ARFGEF1: variants seen among roughly 807,000 people sequenced by gnomAD.
The protein encoded by ARFGEF1 is brefeldin A-inhibited guanine nucleotide-exchange protein 1.
Under a neutral mutation model 231.0 loss-of-function variants are expected in ARFGEF1, and 42 were observed. The ratio of observed to expected loss-of-function variants is 0.18; its 90% confidence interval spans 0.14 to 0.24. The LOEUF (loss-of-function observed/expected upper bound fraction) is 0.24, where lower values mean the gene tolerates loss of function less well. Ranked by LOEUF, ARFGEF1 falls within the 10% of genes least tolerant of loss-of-function variation. The pLI is 1.00. For synonymous variants in ARFGEF1, 710 were observed against 732.3 expected (o/e 0.97, Z 0.49); for missense variants, 1,345 against 2,192.0 (o/e 0.61, Z 7.72).
chr8:67,239,314 C>T (rs1294135291), intron 20 of ARFGEF1, among the ~76,000 whole-genome samples: 1 of 152,046 alleles, frequency 6.6e-6, no homozygotes, highest in Non-Finnish European at 1.5e-5. Flanking sequence ...CCCTCCTTTC[C>T]CTTTCTTTTG....
At chr8:67,246,360 G>A (rs567821152) in intron 19 of ARFGEF1, among the ~76,000 whole-genome samples, 1 of 150,502 alleles carries the variant, frequency 6.6e-6, no homozygotes, top group South Asian at 2.1e-4. Flanking sequence ...CCATATGTTA[G>A]GACTCAAAAC....
chr8:67,227,255 A>G lies in ARFGEF1; in HGVS notation c.3798T>C (p.Ser1266=). The change falls in exon 27 of 39, where the codon TCT becomes TCC. Residue 1266 remains serine (S), a synonymous_variant. Coordinates refer to ENST00000262215, the MANE Select transcript of ARFGEF1 (RefSeq NM_006421.5). The stretch of plus-strand genomic sequence containing the variant: ...ATCCAGATCGAATGTTAGCAGCTTG[A>G]GAATTAACCATCTGTGCTATACACC... The part of the protein sequence containing the change: ...VVRCIAQMVN[S]QAANIRSGWK... The G allele has an allele frequency of 6.2e-7, 1 of 1,613,164 alleles. No homozygotes were observed. Among genetic ancestry groups the G allele is most frequent in the South Asian group, 1.1e-5 (1 of 91,042 alleles).
chr8:67,232,720 C>G, intron 23 of ARFGEF1, 135 bp downstream of exon 23: 1 of 638,862 alleles, frequency 1.6e-6, no homozygotes. Context: ...ATCTAAATCA[C>G]AGCATATCAC....
chr8:67,241,705 T>G (rs1285527303), intron 19 of ARFGEF1, among the ~76,000 whole-genome samples: 1 of 151,602 alleles, frequency 6.6e-6, no homozygotes, highest in Non-Finnish European at 1.5e-5. Flanking sequence ...AACACCAAAT[T>G]TAACAACTAT....
At chr8:67,302,513 A>G in intron 1 of ARFGEF1, 47 bp from the exon 2 acceptor site, 1 of 1,386,554 alleles carries the variant, frequency 7.2e-7, no homozygotes, top group Non-Finnish European at 9.8e-7. Flanking sequence ...TGGACAGCAG[A>G]AAGACTGAGT....
intron 7 of ARFGEF1, among the ~76,000 whole-genome samples, chr8:67,278,382 T>TA (rs1805397706): frequency 6.6e-6 from 1 of 152,088 alleles, no homozygotes; most frequent in Admixed American, 6.6e-5. Context: ...ATACAAGACA[T>TA]AAAGAATAAA....
intron 10 of ARFGEF1, 45 bp from the exon 11 acceptor site, chr8:67,267,487 C>A: frequency 1.6e-6 from 2 of 1,265,414 alleles, no homozygotes; most frequent in South Asian, 1.3e-5. Context: ...GTTTAGAATT[C>A]ATATGTGTGA....
intron 19 of ARFGEF1, among the ~76,000 whole-genome samples, chr8:67,244,403 G>T: frequency 7.3e-6 from 1 of 136,140 alleles, no homozygotes; most frequent in Non-Finnish European, 1.6e-5. Context: ...CCACCTCCCA[G>T]GCTCAAGCAA....
chr8:67,202,928 C>T (rs1262494198), intron 36 of ARFGEF1, among the ~76,000 whole-genome samples, 155 bp downstream of exon 36: 11 of 152,132 alleles, frequency 7.2e-5, no homozygotes, highest in African/African-American at 2.7e-4. Context: ...CAGAAAAGGG[C>T]CTCGTTGTGA....
intron 1 of ARFGEF1, among the ~76,000 whole-genome samples, chr8:67,305,420 T>C (rs1806693222): frequency 6.6e-6 from 1 of 152,226 alleles, no homozygotes; most frequent in South Asian, 2.1e-4. Flanking sequence ...TTTTGTGAGA[T>C]AAAGCTTGCT....
At position 67,238,509 on chromosome 8, in the gene ARFGEF1, GA is replaced by G; in HGVS notation, c.3139-17del. ...ACTTCAGAATCTTAATTACAAAAAG[GA>G]AAAAAATGTTAAATTCCATGTTAAA... On this transcript the variant is annotated splice_polypyrimidine_tract_variant and intron_variant, in intron 21 of 38. Coordinates refer to ENST00000262215, the MANE Select transcript of ARFGEF1 (RefSeq NM_006421.5). 5 of 1,579,468 alleles carry G rather than the reference GA, an allele frequency of 3.2e-6. No individual in the cohort carries two copies. Among genetic ancestry groups the G allele is most frequent in the Non-Finnish European group, 4.3e-6 (5 of 1,169,912 alleles).
At chr8:67,295,701 T>G (rs755350384) in intron 5 of ARFGEF1, among the ~76,000 whole-genome samples, 3 of 152,078 alleles carry the variant, frequency 2.0e-5, no homozygotes, top group Non-Finnish European at 4.4e-5. Flanking sequence ...CTTAAAACAT[T>G]AGTGGGAAAA....
At chr8:67,226,514 T>G (rs192565414) in intron 27 of ARFGEF1, among the ~76,000 whole-genome samples, 38 of 152,184 alleles carry the variant, frequency 2.5e-4, no homozygotes, top group Admixed American at 1.8e-3. Context: ...AAAATGGAAA[T>G]AATAATAATA....
At chr8:67,327,503 A>G (rs1286992438) in intron 1 of ARFGEF1, among the ~76,000 whole-genome samples, 2 of 151,912 alleles carry the variant, frequency 1.3e-5, no homozygotes, top group East Asian at 3.9e-4. Context: ...GATTTTTACT[A>G]TAGATGGGGT....
intron 1 of ARFGEF1, among the ~76,000 whole-genome samples, chr8:67,307,289 G>C (rs1054713324): frequency 6.6e-6 from 1 of 152,206 alleles, no homozygotes; most frequent in African/African-American, 2.4e-5. Flanking sequence ...TCTAGAAAGA[G>C]AATCAAACCA....
chr8:67,268,808 C>A (rs2128894918), intron 10 of ARFGEF1, among the ~76,000 whole-genome samples: 1 of 152,260 alleles, frequency 6.6e-6, no homozygotes, highest in South Asian at 2.1e-4. Flanking sequence ...AGACAAATAT[C>A]CATTAAGTTG....
intron 20 of ARFGEF1, among the ~76,000 whole-genome samples, 183 bp from the exon 21 acceptor site, chr8:67,239,076 G>A (rs531722316): frequency 4.6e-4 from 70 of 151,494 alleles, no homozygotes; most frequent in African/African-American, 1.5e-3. Context: ...GCGCAATCTC[G>A]GCTCACTGCG....
chr8:67,235,104 A>ATATATACACATGTATG (rs1563854449), intron 22 of ARFGEF1, among the ~76,000 whole-genome samples: 1 of 126,586 alleles, frequency 7.9e-6, no homozygotes, highest in Non-Finnish European at 1.6e-5. Context: ...GTGTGTGTAT[A>ATATATACACATGTATG]TATATACACA....
intron 5 of ARFGEF1, among the ~76,000 whole-genome samples, chr8:67,179,626 G>A (rs914468107): frequency 6.6e-6 from 1 of 152,204 alleles, no homozygotes; most frequent in Non-Finnish European, 1.5e-5. Context: ...GTGTTAGCTT[G>A]TAGAATCTGT....
Sources: allele counts gnomAD v4.1 joint callset (sites outside exome capture counted in the v4.1 genomes callset), GRCh38; gene constraint gnomAD v4.1.1; transcripts MANE v1.5; gene names NCBI Gene and HGNC (gene_info 2026-07-23, HGNC 2026-07-21).